RASSF3: variants seen among roughly 807,000 people sequenced by gnomAD.
RASSF3 encodes the protein Ras association domain family member 3, also known as ras association domain-containing protein 3.
RASSF3 carries 19 observed loss-of-function variants against 19.9 expected under a neutral mutation model. That is an observed-to-expected ratio of 0.96 (90% CI 0.67 to 1.40). RASSF3 has a LOEUF of 1.40. RASSF3 is among the 40% of genes most tolerant of loss of function. RASSF3 has a pLI of 0.00. For synonymous variants in RASSF3, 110 were observed against 104.2 expected (o/e 1.06, Z -0.34); for missense variants, 306 against 289.8 (o/e 1.06, Z -0.41).
intron 1 of RASSF3, among the ~76,000 whole-genome samples, chr12:64,535,075 G>A (rs1040468035): frequency 2.9e-4 from 38 of 132,782 alleles, no homozygotes; most frequent in African/African-American, 9.7e-4. Context: ...TTTCAGAGAC[G>A]TTTATATGAA....
chr12:64,689,220 GGT>G lies in RASSF3; in HGVS notation c.457+792_457+793del, dbSNP rs10688391. Reference sequence around the variant, plus strand: ...CTCACTACATGCGATTTGAAATCGGGGTGTGTGTGTGTGTGTGTGTGTGTGTA... The same window carrying G: ...CTCACTACATGCGATTTGAAATCGGGGTGTGTGTGTGTGTGTGTGTGTGTA... On this transcript the variant is annotated intron_variant, in intron 3 of 4. Transcript: ENST00000542104. Among the ~76,000 whole-genome samples, 106 of 147,298 alleles carry G rather than the reference GGT, an allele frequency of 7.2e-4. 1 individual carries two copies. Among genetic ancestry groups the G allele is most frequent in the South Asian group, 2.9e-3 (13 of 4,534 alleles).
intron 2 of RASSF3, among the ~76,000 whole-genome samples, chr12:64,555,748 C>CAA (rs10719297): frequency 2.1e-4 from 30 of 141,408 alleles, no homozygotes; most frequent in Non-Finnish European, 9.2e-5. Context: ...GACTCTATCT[C>CAA]AAAAAAAAAA....
chr12:64,605,476 C>T (rs546201975), intron 2 of RASSF3, among the ~76,000 whole-genome samples: 6 of 152,134 alleles, frequency 3.9e-5, no homozygotes, highest in African/African-American at 1.4e-4. Flanking sequence ...ACTGATTCTA[C>T]CAATGTCAAT....
chr12:64,571,077 G>A (rs987063336), intron 2 of RASSF3, among the ~76,000 whole-genome samples: 1 of 152,078 alleles, frequency 6.6e-6, no homozygotes, highest in African/African-American at 2.4e-5. Flanking sequence ...AATCAGCCGG[G>A]TGTGGTCGCG....
intron 2 of RASSF3, among the ~76,000 whole-genome samples, chr12:64,550,273 G>A (rs1012608184): frequency 6.6e-5 from 10 of 151,686 alleles, no homozygotes; most frequent in African/African-American, 2.4e-4. Flanking sequence ...AAACAAGAAA[G>A]GGAAAGGAAA....
At chr12:64,610,223 G>A (rs1316191419), upstream of RASSF3, among the ~76,000 whole-genome samples, 2 of 152,138 alleles carry the variant, frequency 1.3e-5, no homozygotes, top group East Asian at 1.9e-4. Context: ...GGGAGGTTGA[G>A]GAAGCGACCC....
At chr12:64,511,035 T>G (rs1166669252) in intron 1 of RASSF3, among the ~76,000 whole-genome samples, 1 of 152,154 alleles carries the variant, frequency 6.6e-6, no homozygotes, top group African/African-American at 2.4e-5. Flanking sequence ...AATGTGGAGA[T>G]TGAACTTGAT....
chr12:64,660,504 C>G (rs555126878), intron 1 of RASSF3, among the ~76,000 whole-genome samples: 1 of 152,144 alleles, frequency 6.6e-6, no homozygotes, highest in African/African-American at 2.4e-5. Context: ...CTATGAGGGA[C>G]AAATACAACT....
rs190807486 is a variant in RASSF3, at chr12:64,564,130, G to A, written c.294+22425G>A. Among the ~76,000 whole-genome samples the A allele has an allele frequency of 4.8e-4, 73 of 152,274 alleles. 1 individual carries two copies. Among genetic ancestry groups the A allele is most frequent in the Admixed American group, 4.6e-3 (71 of 15,286 alleles). On this transcript the variant is annotated intron_variant, in intron 2 of 5. Transcript: ENST00000637125. Reference sequence around the variant, plus strand: ...TAAATCTTTTGGCTTTCAATATACAGTATCCCAAATGTTGGGGTTTGTTGT... The same window carrying A: ...TAAATCTTTTGGCTTTCAATATACAATATCCCAAATGTTGGGGTTTGTTGT...
chr12:64,629,692 C>T (rs896167299), intron 1 of RASSF3, among the ~76,000 whole-genome samples: 1 of 151,796 alleles, frequency 6.6e-6, no homozygotes, highest in Admixed American at 6.6e-5. Flanking sequence ...GGACCAGGCG[C>T]GGTGGCTCAT....
At chr12:64,684,711 G>A (rs1016849805) in intron 1 of RASSF3, 76 bp from the exon 2 acceptor site, 6 of 930,124 alleles carry the variant, frequency 6.5e-6, no homozygotes, top group East Asian at 2.5e-5. Context: ...GATTACAGGC[G>A]TGAGCCACTG....
intron 1 of RASSF3, among the ~76,000 whole-genome samples, chr12:64,681,532 A>G (rs1873126486): frequency 6.6e-6 from 1 of 152,200 alleles, no homozygotes; most frequent in African/African-American, 2.4e-5. Flanking sequence ...CCAACTTCCC[A>G]TCCCACATCC....
At chr12:64,578,306 T>C (rs904458914) in intron 2 of RASSF3, among the ~76,000 whole-genome samples, 3 of 152,110 alleles carry the variant, frequency 2.0e-5, no homozygotes, top group African/African-American at 7.2e-5. Flanking sequence ...TGTACGTTAA[T>C]TTATTTAATT....
intron 2 of RASSF3, among the ~76,000 whole-genome samples, chr12:64,547,082 G>A (rs936699676): frequency 4.6e-5 from 7 of 151,978 alleles, no homozygotes; most frequent in African/African-American, 1.7e-4. Context: ...AGATCAGCCT[G>A]GCCAACATGG....
intron 2 of RASSF3, among the ~76,000 whole-genome samples, chr12:64,685,893 C>T (rs1045790323): frequency 2.6e-5 from 4 of 152,156 alleles, no homozygotes; most frequent in Admixed American, 2.0e-4. Flanking sequence ...CAGCCCTTGG[C>T]GCCAGTTTCC....
intron 1 of RASSF3, among the ~76,000 whole-genome samples, chr12:64,509,855 G>A (rs1163337213): frequency 6.6e-6 from 1 of 152,156 alleles, no homozygotes; most frequent in East Asian, 1.9e-4. Context: ...GCGAGGCCAA[G>A]GCGGGCGGAT....
chr12:64,596,218 C>T (rs1355601674), intron 2 of RASSF3, among the ~76,000 whole-genome samples: 1 of 152,194 alleles, frequency 6.6e-6, no homozygotes, highest in East Asian at 1.9e-4. Context: ...ACATTTTCCC[C>T]TGTACTTTTG....
intron 1 of RASSF3, among the ~76,000 whole-genome samples, chr12:64,618,414 C>T (rs757834471): frequency 1.3e-5 from 2 of 152,156 alleles, no homozygotes; most frequent in African/African-American, 2.4e-5. Context: ...GCAACCTCCA[C>T]CTCCTGGGTT....
Position 64,610,619 on chromosome 12 carries a change from A to T in RASSF3, c.-14A>T, listed in dbSNP as rs1870314332. The T allele has an allele frequency of 4.7e-6, 7 of 1,492,874 alleles. No homozygotes were observed. Among genetic ancestry groups the T allele is most frequent in the Non-Finnish European group, 4.5e-6 (5 of 1,116,802 alleles). 92.5% of individuals were successfully genotyped at this position (1,492,874 alleles called of 1,614,324 possible). On this transcript the variant is annotated 5_prime_UTR_variant, in exon 1 of 5. Transcript: ENST00000542104. Reference sequence around the variant, plus strand: ...GCCCCGGGGAGGCCGCCCGCGCGCGACGGGACCGGCAGCATGAGCAGCGGC... The same window carrying T: ...GCCCCGGGGAGGCCGCCCGCGCGCGTCGGGACCGGCAGCATGAGCAGCGGC...
Sources: gnomAD v4.1 joint callset for allele counts (sites outside exome capture counted in the v4.1 genomes callset) on GRCh38, gnomAD v4.1.1 for gene constraint, MANE v1.5 for transcripts, NCBI Gene and HGNC (gene_info 2026-07-23, HGNC 2026-07-21) for gene names.